Variants in HNF4G observed in about 807,000 individuals in gnomAD.
HNF4G encodes the protein hepatocyte nuclear factor 4-gamma.
Under a neutral mutation model 50.9 loss-of-function variants are expected in HNF4G, and 21 were observed. The ratio of observed to expected loss-of-function variants is 0.41; its 90% CI spans 0.29 to 0.59. The LOEUF (loss-of-function observed/expected upper bound fraction) is 0.59. Among genes scored for constraint, HNF4G ranks in the 20% least tolerant of loss-of-function variants. The pLI, the probability that HNF4G is intolerant of heterozygous loss-of-function variation, is 0.26. For synonymous variants in HNF4G, 198 were observed against 185.6 expected, an observed-to-expected ratio of 1.07 and a Z score of -0.54; for missense variants, 527 against 559.4, an observed-to-expected ratio of 0.94 and a Z score of 0.58.
chr8:75,564,038 C>G lies in HNF4G; in HGVS notation c.1310C>G (p.Ala437Gly). The change falls in exon 10 of 10, where the codon GCT becomes GGT. Residue 437 changes from alanine (A) to glycine (G), a missense_variant. Physicochemically the swap from Ala to Gly is moderately conservative, Grantham distance 60. Transcript: ENST00000396423. The stretch of plus-strand genomic sequence containing the variant: ...TCTGGGCAAGAACAGTACAAAATAG[C>G]TGCAAACCAAGCATCAGTCATTTCA... ...QGSGQEQYKIAANQASVISHQ... is the reference protein window; with the variant it reads ...QGSGQEQYKIGANQASVISHQ... The G allele has an allele frequency of 6.2e-7, 1 of 1,613,640 alleles. No individual in the cohort carries two copies. The highest frequency in any genetic ancestry group is 1.1e-5 in the South Asian group (1 of 91,058).
In HNF4G at chr8:75,442,864, T is replaced by C. The variant is rs148902422; in HGVS notation, c.-144+34702T>C. On this transcript the variant is annotated intron_variant, in intron 1 of 10. Coordinates refer to the HNF4G transcript ENST00000354370. The stretch of plus-strand genomic sequence containing the variant: ...TTCTGTGAGTCTGCCAGAACAACTA[T>C]AGAACAAGTAATGATCAGATGACCA... Among the ~76,000 whole-genome samples the C allele has an allele frequency of 4.2e-3, 634 of 152,146 alleles. 4 individuals carry two copies. The highest frequency in any genetic ancestry group is 0.013 in the African/African-American group (545 of 41,516).
chr8:75,460,239 T>C (rs1469274126), intron 1 of HNF4G, among the ~76,000 whole-genome samples: 1 of 152,148 alleles, frequency 6.6e-6, no homozygotes, highest in African/African-American at 2.4e-5. Context: ...AAAGTGGACA[T>C]GGTTTCTAGT....
intron 1 of HNF4G, among the ~76,000 whole-genome samples, chr8:75,477,548 A>G (rs1259031273): frequency 6.6e-6 from 1 of 152,162 alleles, no homozygotes; most frequent in Non-Finnish European, 1.5e-5. Context: ...ATTTGTTAAT[A>G]TTTAAAATAG....
intron 2 of HNF4G, among the ~76,000 whole-genome samples, chr8:75,492,664 C>A (rs1352029664): frequency 6.6e-6 from 1 of 152,090 alleles, no homozygotes; most frequent in East Asian, 1.9e-4. Context: ...AGAACCAAAG[C>A]CTAGAGGGGG....
upstream of HNF4G, chr8:75,407,814 C>T (rs1276470562): frequency 6.6e-6 from 1 of 152,330 alleles, no homozygotes. Context: ...ACCCCCACTT[C>T]CCACCTCCTC....
At chr8:75,506,102 G>T (rs1813071965) in intron 2 of HNF4G, among the ~76,000 whole-genome samples, 1 of 151,740 alleles carries the variant, frequency 6.6e-6, no homozygotes, top group Non-Finnish European at 1.5e-5. Flanking sequence ...TTAACATTAG[G>T]CATATATTAG....
intron 2 of HNF4G, among the ~76,000 whole-genome samples, chr8:75,546,548 A>C (rs1156553994): frequency 6.6e-6 from 1 of 152,100 alleles, no homozygotes. Flanking sequence ...TGAGGCAACT[A>C]TGAATCTATT....
At chr8:75,513,737 T>A (rs1805814981) in intron 2 of HNF4G, among the ~76,000 whole-genome samples, 1 of 151,908 alleles carries the variant, frequency 6.6e-6, no homozygotes, top group Non-Finnish European at 1.5e-5. Context: ...TGCAAAAGAT[T>A]TTTTTCTTAC....
At chr8:75,413,835 C>T (rs572969771) in intron 1 of HNF4G, among the ~76,000 whole-genome samples, 12 of 151,352 alleles carry the variant, frequency 7.9e-5, no homozygotes, top group East Asian at 1.9e-4. Context: ...CCAGCCTGGA[C>T]GACAAAGAGA....
Position 75,539,917 on chromosome 8 carries a change from C to T in HNF4G, c.-46C>T, listed in dbSNP as rs1034600464. 19 of 853,976 alleles carry T rather than the reference C, an allele frequency of 2.2e-5. No homozygotes were observed. The highest frequency in any genetic ancestry group is 1.5e-4 in the East Asian group (6 of 40,932). 52.9% of individuals were successfully genotyped at this position (853,976 alleles called of 1,614,324 possible). ...GCAAAACACATCAAAACACTCATCA[C>T]GCACTCTGGGCTTGTGGTGCCACTT... On this transcript the variant is annotated 5_prime_UTR_variant, in exon 1 of 10. In the 5' UTR this introduces an upstream ATG that the reference lacks. Coordinates refer to ENST00000396423, the MANE Select transcript of HNF4G (RefSeq NM_004133.5).
At chr8:75,426,488 C>T (rs1462116317) in intron 1 of HNF4G, among the ~76,000 whole-genome samples, 4 of 152,142 alleles carry the variant, frequency 2.6e-5, no homozygotes, top group African/African-American at 9.7e-5. Flanking sequence ...ACCTCTGAAC[C>T]AGGAAGTGAA....
intron 1 of HNF4G, among the ~76,000 whole-genome samples, chr8:75,487,730 C>T (rs2130673253): frequency 6.6e-6 from 1 of 152,224 alleles, no homozygotes; most frequent in African/African-American, 2.4e-5. Context: ...TTAAGATGAT[C>T]ATTATTTCCC....
chr8:75,509,043 G>A lies in HNF4G; in HGVS notation c.-24+18835G>A, dbSNP rs570638258. 1.1e-4 allele frequency among the ~76,000 whole-genome samples: 16 copies of A among 152,318 alleles called. No homozygotes were observed. In the South Asian group the frequency reaches 1.2e-3, roughly 12 times the overall value. ...AACAGAAAATTACAGAAATGTGTCC[G>A]AAGAGGGTGAGTTTAAGGTATCAAG... On this transcript the variant is annotated intron_variant, in intron 2 of 10. Transcript: ENST00000354370.
At chr8:75,452,652 G>A (rs1467847401) in intron 1 of HNF4G, among the ~76,000 whole-genome samples, 4 of 150,720 alleles carry the variant, frequency 2.7e-5, no homozygotes. Context: ...CCGGGAGGCG[G>A]AGCTTGCAGT....
In HNF4G at chr8:75,529,391, G is replaced by A. The variant is rs114066044; in HGVS notation, c.-23-14420G>A. ...CTCAGTCACCTCCCTCGACACATGG[G>A]TATTACAATTCGAGATGAGATTTGG... On this transcript the variant is annotated intron_variant, in intron 2 of 10. Transcript: ENST00000354370. Among the ~76,000 whole-genome samples the A allele has an allele frequency of 6.2e-3, 939 of 152,102 alleles. 7 individuals are homozygous for A. The highest frequency in any genetic ancestry group is 0.021 in the African/African-American group (886 of 41,474).
chr8:75,525,419 CG>C (rs1803087819), intron 2 of HNF4G, among the ~76,000 whole-genome samples: 1 of 152,158 alleles, frequency 6.6e-6, no homozygotes, highest in Admixed American at 6.5e-5. Flanking sequence ...CTGGCCGCTT[CG>C]GCCTCCCAAA....
At chr8:75,466,367 T>C (rs1265363097) in intron 1 of HNF4G, among the ~76,000 whole-genome samples, 1 of 152,146 alleles carries the variant, frequency 6.6e-6, no homozygotes, top group Non-Finnish European at 1.5e-5. Context: ...GATTTTATTT[T>C]ATTTATCTAA....
intron 1 of HNF4G, among the ~76,000 whole-genome samples, chr8:75,471,028 C>G (rs952932464): frequency 6.6e-5 from 10 of 152,086 alleles, no homozygotes; most frequent in Non-Finnish European, 1.2e-4. Context: ...ACCTTAATAA[C>G]GTTCTAGTTT....
intron 1 of HNF4G, among the ~76,000 whole-genome samples, chr8:75,479,554 C>G (rs907024709): frequency 6.8e-6 from 1 of 147,126 alleles, no homozygotes; most frequent in African/African-American, 2.6e-5. Context: ...ATATCATTAA[C>G]AAGATTCTAT....
Sources: gnomAD v4.1 joint callset for allele counts (sites outside exome capture counted in the v4.1 genomes callset) on GRCh38, gnomAD v4.1.1 for gene constraint, MANE v1.5 for transcripts, NCBI Gene and HGNC (gene_info 2026-07-23, HGNC 2026-07-21) for gene names.